The following ELAVL4 variants were observed in gnomAD, a reference collection of about 807,000 sequenced individuals.
The protein encoded by ELAVL4 is ELAV-like protein 4.
A neutral mutation model predicts 35.6 loss-of-function variants in ELAVL4; 1 was observed. The observed-to-expected ratio is 0.03, with a 90% CI of 0.01 to 0.13. ELAVL4 has a LOEUF of 0.13. Ranked by LOEUF, ELAVL4 falls within the 10% of genes least tolerant of loss-of-function variation. The pLI is 1.00. For missense variants in ELAVL4, 267 were observed against 464.9 expected (o/e 0.57, Z 3.91); for synonymous variants, 156 against 171.0 (o/e 0.91, Z 0.69).
chr1:50,140,578 T>C (rs1170213810), intron 1 of ELAVL4, among the ~76,000 whole-genome samples: 1 of 152,258 alleles, frequency 6.6e-6, no homozygotes, highest in Non-Finnish European at 1.5e-5. Flanking sequence ...CAGATTTGAT[T>C]CTGATGTTTT....
chr1:50,163,055 A>G (rs1464532205), intron 2 of ELAVL4, among the ~76,000 whole-genome samples: 1 of 152,218 alleles, frequency 6.6e-6, no homozygotes, highest in Non-Finnish European at 1.5e-5. Context: ...ATCAACAACA[A>G]GTGGAAGTGA....
chr1:50,057,789 C>T (rs867528740), intron 1 of ELAVL4, among the ~76,000 whole-genome samples: 4 of 152,270 alleles, frequency 2.6e-5, no homozygotes, highest in Non-Finnish European at 5.9e-5. Context: ...TTTCTCAGAA[C>T]GTATCCCCAT....
At chr1:50,091,461 C>T (rs1665490490) in intron 1 of ELAVL4, among the ~76,000 whole-genome samples, 1 of 152,074 alleles carries the variant, frequency 6.6e-6, no homozygotes, top group Admixed American at 6.6e-5. Context: ...CGATGGTGGC[C>T]AAAATTAGTT....
At chr1:50,193,735 A>G in intron 3 of ELAVL4, 30 bp from the exon 4 acceptor site, 1 of 1,604,980 alleles carries the variant, frequency 6.2e-7, no homozygotes, top group Non-Finnish European at 8.5e-7. Flanking sequence ...ATTGCCTATA[A>G]TGGAATTAGC....
At chr1:50,048,778 A>T (rs1436620180) in intron 1 of ELAVL4, among the ~76,000 whole-genome samples, 3 of 152,084 alleles carry the variant, frequency 2.0e-5, no homozygotes. Flanking sequence ...TCTAGACGAG[A>T]TTGGGAAGGC....
intron 2 of ELAVL4, among the ~76,000 whole-genome samples, chr1:50,171,684 A>C (rs183898903): frequency 8.9e-4 from 135 of 152,352 alleles, no homozygotes; most frequent in South Asian, 1.4e-3. Context: ...AGCTTAAATG[A>C]CTTAACCAAG....
At chr1:50,198,499 G>C (rs1187817029) in intron 6 of ELAVL4, among the ~76,000 whole-genome samples, 1 of 152,178 alleles carries the variant, frequency 6.6e-6, no homozygotes, top group Non-Finnish European at 1.5e-5. Flanking sequence ...GCATGGTAGA[G>C]GAAGTAACCT....
At position 50,154,752 on chromosome 1, in the gene ELAVL4, TTGTGTGTGTGTGTG is replaced by T. The variant is rs35896145; in HGVS notation, c.250+9575_250+9588del. On this transcript the variant is annotated intron_variant, in intron 2 of 6. Transcript: ENST00000371824. ...CCTGGTTTGTTGTTGTTGTTATATT[TTGTGTGTGTGTGTG>T]TGTGTGTGTGTGTGTGTGTTTGTCC... 6.1e-5 allele frequency among the ~76,000 whole-genome samples: 9 copies of T among 147,330 alleles called. No homozygotes were observed. The South Asian group carries it at 6.6e-4, about 11-fold the overall frequency.
intron 1 of ELAVL4, among the ~76,000 whole-genome samples, chr1:50,080,882 A>G (rs1350033133): frequency 6.6e-6 from 1 of 152,176 alleles, no homozygotes; most frequent in African/African-American, 2.4e-5. Context: ...GGGTAGAGAG[A>G]GAATGGGAGA....
At chr1:50,152,285 C>G (rs1336556765) in intron 2 of ELAVL4, among the ~76,000 whole-genome samples, 1 of 152,130 alleles carries the variant, frequency 6.6e-6, no homozygotes, top group Non-Finnish European at 1.5e-5. Flanking sequence ...AGAGATGTCT[C>G]AAAGGATTTT....
chr1:50,181,049 T>A (rs920410901), intron 3 of ELAVL4: 9 of 152,026 alleles, frequency 5.9e-5, no homozygotes, highest in African/African-American at 2.2e-4. Flanking sequence ...TTTATACAGG[T>A]GAGGAAACTG....
chr1:50,192,435 A>G (rs1451677420), intron 3 of ELAVL4, among the ~76,000 whole-genome samples: 1 of 151,828 alleles, frequency 6.6e-6, no homozygotes, highest in African/African-American at 2.4e-5. Context: ...CAGGGTCCAC[A>G]TTACTGCTGG....
At chr1:50,119,034 GAAAA>G (rs565437769) in intron 1 of ELAVL4, among the ~76,000 whole-genome samples, 1 of 87,580 alleles carries the variant, frequency 1.1e-5, no homozygotes, top group Non-Finnish European at 2.3e-5. Context: ...AAGAAAGAAA[GAAAA>G]AGAAAGAAAG....
chr1:50,084,138 G>A (rs1224043949), intron 1 of ELAVL4, among the ~76,000 whole-genome samples: 1 of 152,164 alleles, frequency 6.6e-6, no homozygotes, highest in African/African-American at 2.4e-5. Flanking sequence ...AGAAGCACAT[G>A]TTCAGTGTTA....
At chr1:50,050,569 C>T (rs1458249879) in intron 1 of ELAVL4, among the ~76,000 whole-genome samples, 3 of 152,088 alleles carry the variant, frequency 2.0e-5, no homozygotes, top group Non-Finnish European at 4.4e-5. Flanking sequence ...ATACCTTCTT[C>T]GTAAGTTTAT....
At chr1:50,076,250 T>C (rs949904090) in intron 1 of ELAVL4, among the ~76,000 whole-genome samples, 1 of 152,132 alleles carries the variant, frequency 6.6e-6, no homozygotes, top group African/African-American at 2.4e-5. Flanking sequence ...TTATCAGTGG[T>C]TTTACTTTCC....
intron 1 of ELAVL4, among the ~76,000 whole-genome samples, chr1:50,085,510 G>C (rs1170704580): frequency 2.6e-5 from 4 of 152,172 alleles, no homozygotes; most frequent in Non-Finnish European, 5.9e-5. Context: ...AGGATCTTCT[G>C]AAAACTTTAT....
At chr1:50,122,232 C>G (rs931420642) in intron 1 of ELAVL4, among the ~76,000 whole-genome samples, 3 of 152,056 alleles carry the variant, frequency 2.0e-5, no homozygotes, top group African/African-American at 7.2e-5. Context: ...TAGCTCTGTA[C>G]TCCTCTACAA....
chr1:50,151,259 A>T (rs1437436198), intron 2 of ELAVL4, among the ~76,000 whole-genome samples: 1 of 152,224 alleles, frequency 6.6e-6, no homozygotes, highest in Non-Finnish European at 1.5e-5. Context: ...CTCAGCTTGT[A>T]TACCTAGGGA....
Sources: gnomAD v4.1 joint callset for allele counts (sites outside exome capture counted in the v4.1 genomes callset) on GRCh38, gnomAD v4.1.1 for gene constraint, MANE v1.5 for transcripts, NCBI Gene and HGNC (gene_info 2026-07-23, HGNC 2026-07-21) for gene names.